Variants in SDK1 observed in about 807,000 individuals in gnomAD.
SDK1 encodes protein sidekick-1.
SDK1 carries 157 observed loss-of-function variants against 245.5 expected under a neutral mutation model. The ratio of observed to expected loss-of-function variants is 0.64; its 90% CI spans 0.56 to 0.73. SDK1 has a LOEUF of 0.73. SDK1 is among the 30% of genes least tolerant of loss of function. The pLI, the probability that SDK1 is intolerant of heterozygous loss-of-function variation, is 0.00. For missense variants in SDK1, 3,583 were observed against 3,002.3 expected, an observed-to-expected ratio of 1.19 and a Z score of -4.52; for synonymous variants, 1,647 against 1,278.5, an observed-to-expected ratio of 1.29 and a Z score of -6.15.
chr7:4,012,368 G>A (rs1786047456), intron 16 of SDK1, 133 bp downstream of exon 16: 25 of 988,812 alleles, frequency 2.5e-5, no homozygotes, highest in Non-Finnish European at 3.3e-5. Flanking sequence ...TGAGATGTTA[G>A]GGAGTGGTGG....
intron 4 of SDK1, among the ~76,000 whole-genome samples, chr7:3,805,871 T>C (rs572041353): frequency 6.6e-6 from 1 of 152,326 alleles, no homozygotes; most frequent in Non-Finnish European, 1.5e-5. Flanking sequence ...CACTTCTCTT[T>C]AAACCCTTTT....
rs1275695218 is a variant in SDK1, at chr7:4,265,973, C to T, written c.*589C>T. The T allele has an allele frequency of 1.0e-6, 1 of 985,522 alleles. No individual in the cohort carries two copies. The highest frequency in any genetic ancestry group is 1.7e-5 in the African/African-American group (1 of 57,254). 61.0% of individuals were successfully genotyped at this position (985,522 alleles called of 1,614,324 possible). A position where few individuals can be genotyped will look rare whatever the true frequency, so the allele number is the denominator to read the frequency against. On this transcript the variant is annotated 3_prime_UTR_variant, in exon 45 of 45. Transcript: ENST00000404826. ...AGTGTCTAGTCAAGGAGTCGGCTTT[C>T]AGGTTCCTGACGGCCAGGCAGGGAT...
chr7:3,844,326 TG>T (rs1780226143), intron 5 of SDK1, among the ~76,000 whole-genome samples: 2 of 152,164 alleles, frequency 1.3e-5, no homozygotes, highest in African/African-American at 4.8e-5. Flanking sequence ...AGGGTGAGTT[TG>T]TATTTCTTTA....
chr7:3,518,459 A>G (rs1782820687), intron 1 of SDK1, among the ~76,000 whole-genome samples: 1 of 151,654 alleles, frequency 6.6e-6, no homozygotes, highest in Non-Finnish European at 1.5e-5. Flanking sequence ...AATATCCAGA[A>G]TGTACTAGGA....
At chr7:3,884,438 G>A (rs951362264) in intron 5 of SDK1, among the ~76,000 whole-genome samples, 1 of 152,148 alleles carries the variant, frequency 6.6e-6, no homozygotes, top group Admixed American at 6.5e-5. Flanking sequence ...ATCACTGCAC[G>A]CCAGGCCTCT....
intron 28 of SDK1, among the ~76,000 whole-genome samples, chr7:4,139,667 G>A (rs776211679): frequency 9.4e-6 from 1 of 106,674 alleles, no homozygotes; most frequent in African/African-American, 3.7e-5. Flanking sequence ...GTGTATATGT[G>A]TGTGTGTATA....
intron 4 of SDK1, among the ~76,000 whole-genome samples, chr7:3,690,193 C>A (rs762645476): frequency 1.3e-5 from 2 of 152,128 alleles, no homozygotes; most frequent in Non-Finnish European, 1.5e-5. Context: ...GCGTCACCTA[C>A]CTCATCACGA....
chr7:3,495,647 C>T (rs1017027398), intron 1 of SDK1, among the ~76,000 whole-genome samples: 1 of 152,348 alleles, frequency 6.6e-6, no homozygotes, highest in South Asian at 2.1e-4. Context: ...GTAATGATGT[C>T]ATGCTTCCCA....
intron 1 of SDK1, among the ~76,000 whole-genome samples, chr7:3,313,284 G>A (rs970801760): frequency 1.3e-5 from 2 of 152,162 alleles, no homozygotes; most frequent in African/African-American, 4.8e-5. Context: ...GCATGCACCT[G>A]CAGTCCCAGC....
rs1415595769 is a variant in SDK1 at position 4,119,972 on chromosome 7, C to G, written c.3823+5698C>G. 1.3e-5 allele frequency among the ~76,000 whole-genome samples: 2 copies of G among 148,864 alleles called. 1 individual carries two copies. The highest frequency in any genetic ancestry group is 3.0e-5 in the Non-Finnish European group (2 of 66,732). On this transcript the variant is annotated intron_variant, in intron 25 of 44. Transcript: ENST00000404826. The stretch of plus-strand genomic sequence containing the variant: ...TTAAGTAAAGATTAAGGTACCATTT[C>G]TTAAAGCAGATTTGTTTTTAGAAAA...
intron 1 of SDK1, among the ~76,000 whole-genome samples, chr7:3,318,131 T>C (rs1377618363): frequency 6.6e-6 from 1 of 152,238 alleles, no homozygotes; most frequent in African/African-American, 2.4e-5. Flanking sequence ...ACTCTTAGCT[T>C]GGAGGCTAGT....
At chr7:3,756,013 C>T (rs1042513799) in intron 4 of SDK1, among the ~76,000 whole-genome samples, 1 of 150,430 alleles carries the variant, frequency 6.6e-6, no homozygotes, top group Non-Finnish European at 1.5e-5. Flanking sequence ...TTGACCCTGA[C>T]TCCTTTCACA....
chr7:3,837,266 C>T (rs1362569808), intron 5 of SDK1, among the ~76,000 whole-genome samples: 1 of 152,152 alleles, frequency 6.6e-6, no homozygotes, highest in African/African-American at 2.4e-5. Context: ...TGGATTTGCT[C>T]CTTGTGTTTT....
intron 40 of SDK1, among the ~76,000 whole-genome samples, chr7:4,223,557 T>C (rs1387493544): frequency 6.6e-6 from 1 of 152,218 alleles, no homozygotes; most frequent in East Asian, 1.9e-4. Flanking sequence ...TCTGCCTTCA[T>C]CTTCCCATGG....
intron 1 of SDK1, among the ~76,000 whole-genome samples, chr7:3,408,004 C>G (rs745510920): frequency 6.6e-6 from 1 of 151,800 alleles, no homozygotes; most frequent in African/African-American, 2.4e-5. Context: ...TAGGCAAAGG[C>G]GAGTGTATGA....
chr7:3,552,438 C>T (rs1583157969), intron 1 of SDK1, among the ~76,000 whole-genome samples: 2 of 152,296 alleles, frequency 1.3e-5, no homozygotes, highest in East Asian at 3.9e-4. Flanking sequence ...CTCTTTTTGC[C>T]AGAGGCTACT....
rs535716343 is a variant in SDK1 at position 3,751,985 on chromosome 7, C to T, written c.714-69465C>T. Among the ~76,000 whole-genome samples the T allele has an allele frequency of 2.0e-5, 3 of 152,302 alleles. 1 individual carries two copies. Among genetic ancestry groups the T allele is most frequent in the African/African-American group, 7.2e-5 (3 of 41,566 alleles). ...TCATGGGAGGTGTATTTGAGATAGG[C>T]AGAAGAGGAAACAAGCTTTCAGCCA... On this transcript the variant is annotated intron_variant, in intron 4 of 44. Coordinates refer to ENST00000404826, the MANE Select transcript of SDK1 (RefSeq NM_152744.4).
At chr7:3,763,790 C>T (rs1035446663) in intron 4 of SDK1, among the ~76,000 whole-genome samples, 1 of 152,084 alleles carries the variant, frequency 6.6e-6, no homozygotes, top group African/African-American at 2.4e-5. Flanking sequence ...GTTTAAAATT[C>T]ATTCATGACA....
chr7:3,477,286 C>A (rs116835144), intron 1 of SDK1, among the ~76,000 whole-genome samples: 1 of 137,306 alleles, frequency 7.3e-6, no homozygotes, highest in African/African-American at 2.7e-5. Context: ...GTCTCCATCT[C>A]CTGGCTTCAA....
Sources: allele counts gnomAD v4.1 joint callset (sites outside exome capture counted in the v4.1 genomes callset), GRCh38; gene constraint gnomAD v4.1.1; transcripts MANE v1.5; gene names NCBI Gene and HGNC (gene_info 2026-07-23, HGNC 2026-07-21).